The following NETO2 variants were observed in gnomAD, a reference collection of about 807,000 sequenced individuals.
NETO2 encodes the protein neuropilin and tolloid-like protein 2.
NETO2 carries 28 observed loss-of-function variants against 62.5 expected under a neutral mutation model. The observed-to-expected ratio is 0.45, with a 90% CI of 0.33 to 0.61. The LOEUF is 0.61. NETO2 is among the 20% of genes least tolerant of loss of function. The pLI, the probability that NETO2 is intolerant of heterozygous loss-of-function variation, is 0.02. For synonymous variants in NETO2, 214 were observed against 219.1 expected, an observed-to-expected ratio of 0.98 and a Z score of 0.21; for missense variants, 548 against 643.2, an observed-to-expected ratio of 0.85 and a Z score of 1.60.
At chr16:47,129,090 C>T in intron 3 of NETO2, 134 bp downstream of exon 3, 1 of 830,982 alleles carries the variant, frequency 1.2e-6, no homozygotes, top group South Asian at 1.7e-5. Context: ...TGCAGAAATA[C>T]TTATCATTAC....
At chr16:47,108,560 T>G (rs114374561) in intron 7 of NETO2, among the ~76,000 whole-genome samples, 2 of 152,160 alleles carry the variant, frequency 1.3e-5, no homozygotes, top group African/African-American at 4.8e-5. Context: ...TAAGAAACAT[T>G]AGACAAACCC....
At chr16:47,102,601 A>C (rs1411801985) in intron 7 of NETO2, among the ~76,000 whole-genome samples, 1 of 149,550 alleles carries the variant, frequency 6.7e-6, no homozygotes, top group Non-Finnish European at 1.5e-5. Flanking sequence ...AGAAAAAAAA[A>C]AAAAAACAAC....
intron 7 of NETO2, among the ~76,000 whole-genome samples, chr16:47,088,796 T>C (rs1186820320): frequency 6.6e-6 from 1 of 152,212 alleles, no homozygotes; most frequent in Non-Finnish European, 1.5e-5. Context: ...TTATCAGTAA[T>C]AAAACTGACA....
Position 47,080,144 on chromosome 16 carries a change from CT to C in NETO2, c.*3076del, listed in dbSNP as rs1290912020. ...TTTGTTAAACGTTTAGATTGACACTCTCCCCACACACAAAAGGAATATCACA... is the reference window on the plus strand; with the variant it reads ...TTTGTTAAACGTTTAGATTGACACTCCCCCACACACAAAAGGAATATCACA... On this transcript the variant is annotated 3_prime_UTR_variant, in exon 9 of 9. Transcript: ENST00000562435. 6.6e-6 allele frequency: 1 copy of C among 152,232 alleles called. No individual in the cohort carries two copies. The highest frequency in any genetic ancestry group is 2.1e-4 in the South Asian group (1 of 4,830). 9.4% of individuals were successfully genotyped at this position (152,232 alleles called of 1,614,324 possible).
intron 6 of NETO2, among the ~76,000 whole-genome samples, chr16:47,114,432 T>C (rs1229978269): frequency 7.2e-6 from 1 of 137,978 alleles, no homozygotes; most frequent in Non-Finnish European, 1.6e-5. Flanking sequence ...GTCCAATTTA[T>C]AAATTTCTTT....
rs562000944 is a variant in NETO2, at chr16:47,115,738, T to C, written c.655-6027A>G. On this transcript the variant is annotated intron_variant, in intron 6 of 8. Coordinates refer to ENST00000562435, the MANE Select transcript of NETO2 (RefSeq NM_018092.5). Reference sequence around the variant, plus strand: ...ACATATATATATATATATACATGTATATATATATATTTTGTAGGGGCTGGG... The same window carrying C: ...ACATATATATATATATATACATGTACATATATATATTTTGTAGGGGCTGGG... 2.1e-3 allele frequency among the ~76,000 whole-genome samples: 304 copies of C among 144,478 alleles called. 4 individuals are homozygous for C. Among genetic ancestry groups the C allele is most frequent in the Non-Finnish European group, 2.5e-3 (165 of 66,952 alleles). The allele number at this position is 144,478 out of a possible 152,430, so 94.8% of individuals were successfully genotyped here.
chr16:47,111,350 A>G (rs1474984996), intron 6 of NETO2, among the ~76,000 whole-genome samples: 1 of 152,256 alleles, frequency 6.6e-6, no homozygotes, highest in East Asian at 1.9e-4. Flanking sequence ...AGGCTATAGT[A>G]AATGCTCTTC....
chr16:47,129,348 T>G lies in NETO2; in HGVS notation c.108A>C (p.Gly36=). 6.2e-7 allele frequency: 1 copy of G among 1,613,950 alleles called. No individual in the cohort carries two copies. The highest frequency in any genetic ancestry group is 1.1e-5 in the South Asian group (1 of 91,080). ...AQKTQDGQNI[G]IKHIPATQCG... ...ACTGGGTTGCAGGAATATGCTTGATTCCAATATTTTGTCCATCTTAGGGAA... is the reference window on the plus strand; with the variant it reads ...ACTGGGTTGCAGGAATATGCTTGATGCCAATATTTTGTCCATCTTAGGGAA... The change falls in exon 3 of 9, where the codon GGA becomes GGC. Residue 36 remains glycine, a synonymous_variant. Transcript: ENST00000562435.
At chr16:47,122,085 CT>C (rs1964050629) in intron 6 of NETO2, among the ~76,000 whole-genome samples, 1 of 152,150 alleles carries the variant, frequency 6.6e-6, no homozygotes, top group African/African-American at 2.4e-5. Flanking sequence ...AATTTTAACT[CT>C]GTTGATATTC....
rs1343475014 is a variant in NETO2, at chr16:47,082,238, A to G, written c.*983T>C. On this transcript the variant is annotated 3_prime_UTR_variant, in exon 9 of 9. Coordinates refer to ENST00000562435, the MANE Select transcript of NETO2 (RefSeq NM_018092.5). ...TCAAGGCTCATCCAATTTCTAAGGA[A>G]TTTTAACTGGCATCTAACCTTGGTT... is the stretch of plus-strand genomic sequence containing the variant. 1 of 152,638 alleles carries G rather than the reference A, an allele frequency of 6.6e-6. No homozygotes were observed. Among genetic ancestry groups the G allele is most frequent in the Non-Finnish European group, 1.5e-5 (1 of 68,030 alleles). 9.5% of individuals were successfully genotyped at this position (152,638 alleles called of 1,614,324 possible). A position where few individuals can be genotyped will look rare whatever the true frequency, so the allele number is the denominator to read the frequency against.
intron 7 of NETO2, among the ~76,000 whole-genome samples, chr16:47,092,047 A>T: frequency 7.2e-6 from 1 of 138,514 alleles, no homozygotes. Context: ...TTTTTTGTAG[A>T]GATGTTGTCC....
At chr16:47,118,700 T>C (rs1402082273) in intron 6 of NETO2, among the ~76,000 whole-genome samples, 3 of 152,212 alleles carry the variant, frequency 2.0e-5, no homozygotes, top group Non-Finnish European at 4.4e-5. Context: ...GCTTCCAACT[T>C]CAACAATTAT....
chr16:47,092,503 G>A (rs973311271), intron 7 of NETO2, among the ~76,000 whole-genome samples: 13 of 151,982 alleles, frequency 8.6e-5, no homozygotes, highest in African/African-American at 2.9e-4. Context: ...AGCACACGTC[G>A]GTTTAGACGG....
rs777772674 is a variant in NETO2 at position 47,132,044 on chromosome 16, A to G, written c.35-19T>C. ...AACAACACTAGAGAAATAACAGAGA[A>G]GAAAAGTTATGAAATTGAATCTATA... On this transcript the variant is annotated intron_variant, in intron 1 of 8. Transcript: ENST00000562435. 4 of 1,593,466 alleles carry G rather than the reference A, an allele frequency of 2.5e-6. No homozygotes were observed. Among genetic ancestry groups the G allele is most frequent in the Non-Finnish European group, 2.6e-6 (3 of 1,162,862 alleles).
At chr16:47,114,734 G>C (rs925127007) in intron 6 of NETO2, among the ~76,000 whole-genome samples, 1 of 151,934 alleles carries the variant, frequency 6.6e-6, no homozygotes, top group Admixed American at 6.6e-5. Flanking sequence ...ACAGATGTGA[G>C]CCACCGCGCC....
chr16:47,142,317 G>C (rs1033163165), intron 1 of NETO2, among the ~76,000 whole-genome samples: 1 of 152,202 alleles, frequency 6.6e-6, no homozygotes, highest in Non-Finnish European at 1.5e-5. Context: ...CTTAGTACAA[G>C]CTGTAGATAC....
rs148702083 is a variant in NETO2, at chr16:47,085,528, C to T, written c.997+698G>A. 2.6e-3 allele frequency among the ~76,000 whole-genome samples: 396 copies of T among 151,660 alleles called. 3 individuals are homozygous for T. Among genetic ancestry groups the T allele is most frequent in the African/African-American group, 9.0e-3 (371 of 41,358 alleles). ...TCCCGAGTAGCTGGGATTACAGGCG[C>T]GTGCCACCACGCCTAGCTGATTTTT... is the stretch of plus-strand genomic sequence containing the variant. On this transcript the variant is annotated intron_variant, in intron 8 of 8. Coordinates refer to ENST00000562435, the MANE Select transcript of NETO2 (RefSeq NM_018092.5).
intron 1 of NETO2, among the ~76,000 whole-genome samples, chr16:47,136,731 G>A (rs1964367922): frequency 3.3e-5 from 5 of 152,084 alleles, no homozygotes; most frequent in Admixed American, 3.3e-4. Flanking sequence ...GATATACATG[G>A]TATTTGAAAT....
At chr16:47,116,673 T>C (rs1219569029) in intron 6 of NETO2, among the ~76,000 whole-genome samples, 1 of 152,210 alleles carries the variant, frequency 6.6e-6, no homozygotes, top group Non-Finnish European at 1.5e-5. Flanking sequence ...ATTTCCTGGA[T>C]GATACTAAAG....
Sources: allele counts gnomAD v4.1 joint callset (sites outside exome capture counted in the v4.1 genomes callset), GRCh38; gene constraint gnomAD v4.1.1; transcripts MANE v1.5; gene names NCBI Gene and HGNC (gene_info 2026-07-23, HGNC 2026-07-21).